Variants in BCL2 observed in about 807,000 individuals in gnomAD.
The protein encoded by BCL2 is apoptosis regulator Bcl-2.
In BCL2, 1 loss-of-function variant was observed where a neutral mutation model predicts 14.2. That is an observed-to-expected ratio of 0.07 (90% CI 0.02 to 0.33). The LOEUF is 0.33. Among genes scored for constraint, BCL2 ranks in the 10% least tolerant of loss-of-function variants. BCL2 has a pLI of 0.99. For missense variants in BCL2, 247 were observed against 305.9 expected, an observed-to-expected ratio of 0.81 and a Z score of 1.44; for synonymous variants, 151 against 137.2, an observed-to-expected ratio of 1.10 and a Z score of -0.70.
At chr18:63,166,866 C>G (rs1041169178) in intron 2 of BCL2, among the ~76,000 whole-genome samples, 1 of 152,226 alleles carries the variant, frequency 6.6e-6, no homozygotes, top group African/African-American at 2.4e-5. Flanking sequence ...CTTCCCTCCC[C>G]TCCTTCTTTC....
chr18:63,318,117 G>T lies in BCL2; in HGVS notation c.550C>A (p.His184Asn). 2 of 1,614,086 alleles carry T rather than the reference G, an allele frequency of 1.2e-6. No individual in the cohort carries two copies. The highest frequency in any genetic ancestry group is 1.7e-6 in the Non-Finnish European group (2 of 1,180,016). ...TTATCCTGGATCCAGGTGTGCAGGT[G>T]CCGGTTCAGGTACTCAGTCATCCAC... The part of the protein sequence containing the change: ...ALWMTEYLNR[H>N]LHTWIQDNGG... Residue 184 changes from histidine (H) to asparagine (N), a missense_variant, in exon 2 of 3, where the codon CAC becomes AAC. His to Asn is a moderately conservative substitution (Grantham distance 68, BLOSUM62 1). Transcript: ENST00000333681. The surrounding 1 kb of genome is among the most constrained non-coding windows in gnomAD (Gnocchi z 7.4).
chr18:63,148,805 A>G (rs1276305966), intron 2 of BCL2, among the ~76,000 whole-genome samples: 1 of 152,196 alleles, frequency 6.6e-6, no homozygotes, highest in African/African-American at 2.4e-5. Context: ...GTGCTTCCAT[A>G]TAGATCATCT....
intron 2 of BCL2, among the ~76,000 whole-genome samples, chr18:63,247,032 G>A (rs1911169555): frequency 6.6e-6 from 1 of 152,168 alleles, no homozygotes; most frequent in African/African-American, 2.4e-5. Context: ...TAGCAGCTGA[G>A]CTCAAGTGCT....
intron 2 of BCL2, among the ~76,000 whole-genome samples, chr18:63,264,255 C>G (rs986050269): frequency 3.3e-5 from 5 of 151,878 alleles, no homozygotes; most frequent in African/African-American, 1.2e-4. Context: ...TATTTTTTTC[C>G]TGATAACATG....
intron 2 of BCL2, among the ~76,000 whole-genome samples, chr18:63,283,927 G>A (rs183320230): frequency 1.7e-4 from 26 of 152,216 alleles, no homozygotes; most frequent in East Asian, 5.8e-4. Context: ...TAAACTTGGC[G>A]TTTGTTTCCT....
intron 2 of BCL2, among the ~76,000 whole-genome samples, chr18:63,188,647 T>C (rs1915649145): frequency 6.6e-6 from 1 of 152,168 alleles, no homozygotes; most frequent in Non-Finnish European, 1.5e-5. Flanking sequence ...CATTTTACCA[T>C]AATACTATGT....
intron 2 of BCL2, among the ~76,000 whole-genome samples, chr18:63,253,194 G>GA (rs1911365811): frequency 6.6e-6 from 1 of 152,174 alleles, no homozygotes. Context: ...GGAAAATGCT[G>GA]TAATACGTGG....
At chr18:63,296,356 G>T (rs964835152) in intron 2 of BCL2, among the ~76,000 whole-genome samples, 1 of 152,028 alleles carries the variant, frequency 6.6e-6, no homozygotes, top group African/African-American at 2.4e-5. Context: ...GGAGTGGAGT[G>T]GCACAATCAT....
At chr18:63,290,931 AAAAG>A (rs1912627100) in intron 2 of BCL2, among the ~76,000 whole-genome samples, 2 of 152,144 alleles carry the variant, frequency 1.3e-5, no homozygotes, top group African/African-American at 4.8e-5. Context: ...AACATATTTC[AAAAG>A]CCTCCGAGAT....
chr18:63,209,724 T>C (rs1004888628), intron 2 of BCL2, among the ~76,000 whole-genome samples: 1 of 151,784 alleles, frequency 6.6e-6, no homozygotes, highest in African/African-American at 2.4e-5. Flanking sequence ...AGGTGAGATC[T>C]CCGAGACAGA....
At chr18:63,266,637 T>TCTCTCTCTCTCTCTCTCTCACACACA (rs1491465885) in intron 2 of BCL2, among the ~76,000 whole-genome samples, 17 of 86,008 alleles carry the variant, frequency 2.0e-4, no homozygotes, top group African/African-American at 6.1e-4. Context: ...TCTCTCTCTC[T>TCTCTCTCTCTCTCTCTCTCACACACA]CACACACACA....
At chr18:63,225,786 G>A (rs937223420) in intron 2 of BCL2, among the ~76,000 whole-genome samples, 6 of 152,214 alleles carry the variant, frequency 3.9e-5, no homozygotes, top group South Asian at 2.1e-4. Context: ...TGGAAGGAGC[G>A]AATTCCATAC....
At chr18:63,177,790 C>T (rs1915383873) in intron 2 of BCL2, among the ~76,000 whole-genome samples, 1 of 152,180 alleles carries the variant, frequency 6.6e-6, no homozygotes, top group Non-Finnish European at 1.5e-5. Flanking sequence ...GGGTAGGACC[C>T]TGCCTGAAGC....
chr18:63,171,705 A>G (rs1202338004), intron 2 of BCL2, among the ~76,000 whole-genome samples: 1 of 152,256 alleles, frequency 6.6e-6, no homozygotes, highest in Admixed American at 6.5e-5. Flanking sequence ...GGCCAGGCAC[A>G]TAGCTCATGC....
chr18:63,297,103 C>T (rs1298550323), intron 2 of BCL2, among the ~76,000 whole-genome samples: 3 of 152,022 alleles, frequency 2.0e-5, no homozygotes, highest in African/African-American at 7.2e-5. Context: ...GTCCCAGCTG[C>T]TTGGGAGGCT....
At chr18:63,211,433 A>G (rs1910000123) in intron 2 of BCL2, among the ~76,000 whole-genome samples, 1 of 152,068 alleles carries the variant, frequency 6.6e-6, no homozygotes. Flanking sequence ...CTCTCGACTC[A>G]AATCTCCTCC....
chr18:63,240,876 T>C (rs916815964), intron 2 of BCL2, among the ~76,000 whole-genome samples: 2 of 152,256 alleles, frequency 1.3e-5, no homozygotes, highest in African/African-American at 4.8e-5. Flanking sequence ...GTACTTATCT[T>C]TACATTCCCC....
chr18:63,281,494 T>C (rs1912306876), intron 2 of BCL2, among the ~76,000 whole-genome samples: 2 of 151,988 alleles, frequency 1.3e-5, no homozygotes, highest in South Asian at 2.1e-4. Context: ...GTGAGACCCC[T>C]GTCTCTACAA....
intron 2 of BCL2, among the ~76,000 whole-genome samples, chr18:63,287,215 C>T (rs539971695): frequency 1.3e-5 from 2 of 152,300 alleles, no homozygotes; most frequent in East Asian, 3.9e-4. Context: ...GGGTCCTCCT[C>T]AGGAACCAAC....
Sources: gnomAD v4.1 joint callset for allele counts (sites outside exome capture counted in the v4.1 genomes callset) on GRCh38, gnomAD v4.1.1 for gene constraint, Gnocchi (gnomAD v3.1) non-coding constraint, MANE v1.5 for transcripts, NCBI Gene and HGNC (gene_info 2026-07-23, HGNC 2026-07-21) for gene names.